The following GUCY1A2 variants were observed in gnomAD, a reference collection of about 807,000 sequenced individuals.
GUCY1A2 encodes the protein guanylate cyclase 1 soluble subunit alpha 2, also known as guanylate cyclase soluble subunit alpha-2.
Under a neutral mutation model 63.5 loss-of-function variants are expected in GUCY1A2, and 27 were observed. That is an observed-to-expected ratio of 0.43 (90% confidence interval 0.31 to 0.59). GUCY1A2 has a LOEUF of 0.59. Among genes scored for constraint, GUCY1A2 ranks in the 20% least tolerant of loss-of-function variants. The probability of loss-of-function intolerance (pLI) is 0.11; values close to 1 mark genes in which losing one functional copy is unlikely to be tolerated. For synonymous variants in GUCY1A2, 364 were observed against 343.5 expected, an observed-to-expected ratio of 1.06 and a Z score of -0.66; for missense variants, 768 against 913.3, an observed-to-expected ratio of 0.84 and a Z score of 2.05.
rs896849833 is a variant in GUCY1A2, at chr11:106,687,476, C to A, written c.*73G>T. ...CAAAGCAATGAAAGAGACACAATCT[C>A]TTTCCACCCCCCATTGGTGACCCAT... On this transcript the variant is annotated 3_prime_UTR_variant, in exon 8 of 8. Coordinates refer to ENST00000526355, the MANE Select transcript of GUCY1A2 (RefSeq NM_000855.3). 6 of 1,082,874 alleles carry A rather than the reference C, an allele frequency of 5.5e-6. No homozygotes were observed. The highest frequency in any genetic ancestry group is 7.1e-6 in the Non-Finnish European group (5 of 706,658). 67.1% of individuals were successfully genotyped at this position (1,082,874 alleles called of 1,614,324 possible).
At chr11:106,820,322 T>C (rs1197543179) in intron 4 of GUCY1A2, among the ~76,000 whole-genome samples, 1 of 152,172 alleles carries the variant, frequency 6.6e-6, no homozygotes, top group African/African-American at 2.4e-5. Flanking sequence ...CCTTAAGAAA[T>C]TGTCACAGCC....
intron 4 of GUCY1A2, among the ~76,000 whole-genome samples, chr11:106,834,823 C>A (rs998594876): frequency 3.9e-5 from 6 of 151,912 alleles, no homozygotes; most frequent in Non-Finnish European, 8.8e-5. Flanking sequence ...GGAGATTTAG[C>A]TTTACCTTAG....
chr11:106,750,332 T>G (rs986375422), intron 6 of GUCY1A2, among the ~76,000 whole-genome samples: 1 of 152,072 alleles, frequency 6.6e-6, no homozygotes, highest in Non-Finnish European at 1.5e-5. Context: ...TAACCCACAC[T>G]GAGGGTGGGT....
chr11:106,692,511 GT>G (rs1862642314), intron 7 of GUCY1A2, among the ~76,000 whole-genome samples: 2 of 152,032 alleles, frequency 1.3e-5, no homozygotes, highest in Non-Finnish European at 2.9e-5. Flanking sequence ...CTCACCTCTT[GT>G]TTTTATGCTC....
chr11:106,853,351 T>C (rs1454550576), intron 4 of GUCY1A2, among the ~76,000 whole-genome samples: 1 of 152,074 alleles, frequency 6.6e-6, no homozygotes, highest in Non-Finnish European at 1.5e-5. Flanking sequence ...TTTAAAATTT[T>C]TTTGGTTTTT....
chr11:106,964,572 T>G (rs912379200), intron 3 of GUCY1A2, among the ~76,000 whole-genome samples: 3 of 152,238 alleles, frequency 2.0e-5, no homozygotes, highest in African/African-American at 7.2e-5. Context: ...TCTCTAGATC[T>G]GTTTTTCTAT....
intron 4 of GUCY1A2, among the ~76,000 whole-genome samples, chr11:106,862,608 AG>A (rs1859529013): frequency 6.6e-6 from 1 of 152,098 alleles, no homozygotes; most frequent in South Asian, 2.1e-4. Context: ...TACCCAGAGA[AG>A]AGTGATAATT....
chr11:106,964,856 T>A lies in GUCY1A2; in HGVS notation c.487+13763A>T, dbSNP rs377486576. 3.0e-3 allele frequency among the ~76,000 whole-genome samples: 460 copies of A among 152,146 alleles called. 2 individuals carry two copies. Among genetic ancestry groups the A allele is most frequent in the African/African-American group, 0.011 (444 of 41,496 alleles). On this transcript the variant is annotated intron_variant, in intron 3 of 7. Transcript: ENST00000526355. ...TTAGCTGGGCGTGGTGGCGGGCACC[T>A]GTAGTCCCAGCTACTCGGGAGGCTG...
Position 106,720,877 on chromosome 11 carries a change from A to T in GUCY1A2, c.1837-12211T>A, listed in dbSNP as rs556770443. Among the ~76,000 whole-genome samples, 32 of 152,292 alleles carry T rather than the reference A, an allele frequency of 2.1e-4. No individual in the cohort carries two copies. The South Asian group carries it at 6.4e-3, about 31-fold the overall frequency. On this transcript the variant is annotated intron_variant, in intron 6 of 7. Transcript: ENST00000526355. ...GACTTTAGCTAATAATAATGTATTG[A>T]TACTGGTTTGTTAATTGTAACAATT... is the stretch of plus-strand genomic sequence containing the variant.
intron 1 of GUCY1A2, among the ~76,000 whole-genome samples, chr11:107,015,685 A>G (rs903023149): frequency 6.6e-6 from 1 of 151,718 alleles, no homozygotes; most frequent in African/African-American, 2.4e-5. Context: ...GTTGTACTAA[A>G]TAACTATTTT....
intron 6 of GUCY1A2, among the ~76,000 whole-genome samples, chr11:106,765,369 T>C (rs572059764): frequency 5.3e-5 from 8 of 152,230 alleles, no homozygotes; most frequent in African/African-American, 1.7e-4. Flanking sequence ...GGAAAGAGTA[T>C]TGAGAGAAAA....
At chr11:106,997,519 C>A (rs866985836) in intron 1 of GUCY1A2, among the ~76,000 whole-genome samples, 67 of 151,980 alleles carry the variant, frequency 4.4e-4, no homozygotes, top group Middle Eastern at 3.4e-3. Context: ...CAGTCTGGAA[C>A]TAAACAACTG....
chr11:106,725,668 T>G (rs1348899978), intron 6 of GUCY1A2, among the ~76,000 whole-genome samples: 1 of 152,212 alleles, frequency 6.6e-6, no homozygotes, highest in African/African-American at 2.4e-5. Flanking sequence ...TAATTACTTT[T>G]TATCACAATA....
chr11:106,987,945 C>A (rs1289873592), intron 1 of GUCY1A2, among the ~76,000 whole-genome samples: 1 of 152,170 alleles, frequency 6.6e-6, no homozygotes, highest in Non-Finnish European at 1.5e-5. Flanking sequence ...AACCAATTCA[C>A]AAATTAATTT....
intron 6 of GUCY1A2, among the ~76,000 whole-genome samples, chr11:106,724,324 A>C (rs1863366996): frequency 6.6e-6 from 1 of 152,250 alleles, no homozygotes; most frequent in Admixed American, 6.5e-5. Flanking sequence ...GTTAAAAGGA[A>C]GAAGAGTACT....
At chr11:106,827,284 G>C in intron 4 of GUCY1A2, 1 of 1,554,784 alleles carries the variant, frequency 6.4e-7, no homozygotes, top group Non-Finnish European at 8.9e-7. Context: ...TGCAATTTTA[G>C]CCTCTGATTT....
chr11:106,782,185 G>A (rs79939845), intron 5 of GUCY1A2, among the ~76,000 whole-genome samples: 2,092 of 152,184 alleles, frequency 0.014, 46 homozygotes, highest in African/African-American at 0.048. Flanking sequence ...AATTTTCTAT[G>A]GGGCATAAGA....
chr11:106,842,343 C>T, intron 4 of GUCY1A2, among the ~76,000 whole-genome samples: 1 of 151,930 alleles, frequency 6.6e-6, no homozygotes, highest in East Asian at 1.9e-4. Context: ...CTGAGTGTGG[C>T]ATTAAGTTCC....
chr11:106,677,389 G>A lies in GUCY1A2; in HGVS notation c.*10160C>T, dbSNP rs1176933116. On this transcript the variant is annotated 3_prime_UTR_variant, in exon 8 of 8. Coordinates refer to ENST00000526355, the MANE Select transcript of GUCY1A2 (RefSeq NM_000855.3). ...CAAGCTGTCACCACACTTGATATTTGGACTCTTGCATGGTTTCTCATTAGC... is the reference window on the plus strand; with the variant it reads ...CAAGCTGTCACCACACTTGATATTTAGACTCTTGCATGGTTTCTCATTAGC... The A allele has an allele frequency of 4.8e-6, 1 of 210,096 alleles. No individual in the cohort carries two copies. Among genetic ancestry groups the A allele is most frequent in the Non-Finnish European group, 9.7e-6 (1 of 103,430 alleles). 13.0% of individuals were successfully genotyped at this position (210,096 alleles called of 1,614,324 possible).
Sources: allele counts gnomAD v4.1 joint callset (sites outside exome capture counted in the v4.1 genomes callset), GRCh38; gene constraint gnomAD v4.1.1; transcripts MANE v1.5; gene names NCBI Gene and HGNC (gene_info 2026-07-23, HGNC 2026-07-21).